Variants in GLYR1 observed in about 807,000 individuals in gnomAD.
GLYR1 encodes the protein glyoxylate reductase 1 homolog, also known as cytokine-like nuclear factor N-PAC.
In GLYR1, 21 loss-of-function variants were observed where a neutral mutation model predicts 72.7. The observed-to-expected ratio is 0.29, with a 90% confidence interval of 0.20 to 0.42. GLYR1 has a LOEUF of 0.42. Among genes scored for constraint, GLYR1 ranks in the 10% least tolerant of loss-of-function variants. The pLI is 1.00. For missense variants in GLYR1, 594 were observed against 712.1 expected (o/e 0.83, Z 1.89); for synonymous variants, 392 against 270.2 (o/e 1.45, Z -4.42).
intron 3 of GLYR1, among the ~76,000 whole-genome samples, chr16:4,834,295 C>CTTTTTT (rs778256795): frequency 4.2e-5 from 5 of 118,346 alleles, no homozygotes; most frequent in African/African-American, 1.4e-4. Context: ...AGGCAAATTC[C>CTTTTTT]TTTTTTTTTT....
chr16:4,846,258 A>C, intron 1 of GLYR1, 48 bp from the exon 2 acceptor site: 2 of 1,598,700 alleles, frequency 1.3e-6, no homozygotes, highest in Non-Finnish European at 1.7e-6. Flanking sequence ...AAGCCAGTCC[A>C]TCTCCTTCAA....
At chr16:4,837,158 C>T (rs901371502) in intron 3 of GLYR1, among the ~76,000 whole-genome samples, 1 of 152,180 alleles carries the variant, frequency 6.6e-6, no homozygotes, top group Non-Finnish European at 1.5e-5. Flanking sequence ...CATGTAGGGC[C>T]CGGTGCGGTG....
chr16:4,846,592 G>A, intron 1 of GLYR1: 1 of 274,788 alleles, frequency 3.6e-6, no homozygotes, highest in South Asian at 3.8e-5. Flanking sequence ...TCCTCTGGGT[G>A]GAGAAACAAG....
chr16:4,831,157 A>T (rs1476539593), intron 5 of GLYR1, among the ~76,000 whole-genome samples: 3 of 152,122 alleles, frequency 2.0e-5, no homozygotes, highest in Admixed American at 2.0e-4. Flanking sequence ...CATCCTCTAT[A>T]TAACCAATTA....
intron 3 of GLYR1, among the ~76,000 whole-genome samples, chr16:4,836,301 C>T (rs1047657659): frequency 2.0e-5 from 3 of 151,912 alleles, no homozygotes; most frequent in African/African-American, 4.9e-5. Context: ...TGCTCCAGTG[C>T]GTAAGGCTTT....
intron 15 of GLYR1, 68 bp downstream of exon 15, chr16:4,811,102 T>TAA (rs369808419): frequency 6.1e-4 from 885 of 1,448,032 alleles, no homozygotes; most frequent in Middle Eastern, 1.6e-3. Flanking sequence ...GAGACTCCGT[T>TAA]AAAAAAAAAA....
intron 2 of GLYR1, 45 bp from the exon 3 acceptor site, chr16:4,845,198 G>T: frequency 1.4e-6 from 2 of 1,406,850 alleles, no homozygotes; most frequent in South Asian, 1.2e-5. Context: ...CAACACAGCA[G>T]CCCACTTTCT....
chr16:4,836,710 C>T (rs1305067000), intron 3 of GLYR1, among the ~76,000 whole-genome samples: 2 of 151,666 alleles, frequency 1.3e-5, no homozygotes, highest in Non-Finnish European at 2.9e-5. Flanking sequence ...AGGGACACAT[C>T]ATCAGAAACT....
At chr16:4,836,176 C>T (rs542766457) in intron 3 of GLYR1, among the ~76,000 whole-genome samples, 8 of 152,258 alleles carry the variant, frequency 5.3e-5, no homozygotes, top group Admixed American at 2.6e-4. Context: ...CACGGAGGCA[C>T]ATCAGCCGGG....
At chr16:4,827,133 G>T (rs529744477) in intron 5 of GLYR1, among the ~76,000 whole-genome samples, 1 of 152,368 alleles carries the variant, frequency 6.6e-6, no homozygotes, top group South Asian at 2.1e-4. Context: ...CCGCCATCAA[G>T]GTCAGCTTTT....
intron 10 of GLYR1, among the ~76,000 whole-genome samples, chr16:4,817,051 C>T (rs941014721): frequency 1.3e-5 from 2 of 151,322 alleles, no homozygotes; most frequent in Admixed American, 1.3e-4. Context: ...TCAAGTTATT[C>T]TCCTGCCTCA....
Position 4,829,736 on chromosome 16 carries a change from A to G in GLYR1, c.537+2243T>C, listed in dbSNP as rs1026249891. Among the ~76,000 whole-genome samples the G allele has an allele frequency of 3.5e-4, 52 of 149,308 alleles. 1 individual carries two copies. Among genetic ancestry groups the G allele is most frequent in the Non-Finnish European group, 7.1e-4 (47 of 66,134 alleles). On this transcript the variant is annotated intron_variant, in intron 5 of 15. Transcript: ENST00000321919. ...CGCCCAGGCTGGAGTGCAGTGGCGC[A>G]ATCTCGGCTCACTGCAACCTCTGCC...
chr16:4,811,713 C>A lies in GLYR1; in HGVS notation c.1372G>T (p.Ala458Ser). 1 of 1,614,202 alleles carries A rather than the reference C, an allele frequency of 6.2e-7. No homozygotes were observed. Among genetic ancestry groups the A allele is most frequent in the Non-Finnish European group, 8.5e-7 (1 of 1,180,032 alleles). ...TGCTGGGACTGGCCTGTCACCTGGG[C>A]CAGGGTCAGCCCCTCGGCAATAGTG... ...MATIAEGLTL[A>S]QVTGQSQQTL... The change falls in exon 14 of 16, where the codon GCC (alanine) becomes TCC (serine). Residue 458 changes from alanine to serine, a missense_variant. Coordinates refer to ENST00000321919, the MANE Select transcript of GLYR1 (RefSeq NM_032569.4).
At chr16:4,841,311 A>G (rs554214627) in intron 3 of GLYR1, among the ~76,000 whole-genome samples, 1 of 151,848 alleles carries the variant, frequency 6.6e-6, no homozygotes, top group African/African-American at 2.4e-5. Flanking sequence ...TTATTAATCT[A>G]GTCTTTTAGC....
intron 3 of GLYR1, 123 bp from the exon 4 acceptor site, chr16:4,833,035 G>T: frequency 1.2e-6 from 1 of 839,272 alleles, no homozygotes; most frequent in Non-Finnish European, 1.7e-6. Context: ...AATAGGCCTT[G>T]CCATTTCTTT....
Position 4,804,992 on chromosome 16 carries a change from G to A in GLYR1, c.*244C>T, listed in dbSNP as rs1450743981. The A allele has an allele frequency of 9.1e-6, 5 of 548,668 alleles. No homozygotes were observed. Among genetic ancestry groups the A allele is most frequent in the South Asian group, 2.1e-5 (1 of 47,936 alleles). The allele number at this position is 548,668 out of a possible 1,614,324, so 34.0% of individuals were successfully genotyped here. A position where few individuals can be genotyped will look rare whatever the true frequency, so the allele number is the denominator to read the frequency against. ...GTGTGAACACACAGCCACCTCGTCCGGGGGGCCAGTGCCCAGCTCAAGAGC... is the reference window on the plus strand; with the variant it reads ...GTGTGAACACACAGCCACCTCGTCCAGGGGGCCAGTGCCCAGCTCAAGAGC... On this transcript the variant is annotated 3_prime_UTR_variant, in exon 16 of 16. Coordinates refer to ENST00000321919, the MANE Select transcript of GLYR1 (RefSeq NM_032569.4).
chr16:4,826,213 A>T lies in GLYR1; in HGVS notation c.538-2306T>A, dbSNP rs977517034. Among the ~76,000 whole-genome samples, 4 of 152,220 alleles carry T rather than the reference A, an allele frequency of 2.6e-5. No homozygotes were observed. The East Asian group carries it at 7.7e-4, about 29-fold the overall frequency. ...CAGGTGTGTGCCACTACGCCCAGCTAATTTTTTATTTTTATTTTTTGTAGA... is the reference window on the plus strand; with the variant it reads ...CAGGTGTGTGCCACTACGCCCAGCTTATTTTTTATTTTTATTTTTTGTAGA... On this transcript the variant is annotated intron_variant, in intron 5 of 15. Transcript: ENST00000321919.
intron 12 of GLYR1, among the ~76,000 whole-genome samples, chr16:4,812,765 A>G (rs578223361): frequency 1.3e-5 from 2 of 151,494 alleles, no homozygotes; most frequent in African/African-American, 4.8e-5. Context: ...TGCTTGGATT[A>G]CAGGAGTGAG....
chr16:4,846,786 C>G (rs1034702819), intron 1 of GLYR1: 152 of 253,890 alleles, frequency 6.0e-4, no homozygotes, highest in African/African-American at 3.5e-3. Context: ...ACAACCCCGG[C>G]TGAGCCGGCC....
Sources: gnomAD v4.1 joint callset for allele counts (sites outside exome capture counted in the v4.1 genomes callset) on GRCh38, gnomAD v4.1.1 for gene constraint, MANE v1.5 for transcripts, NCBI Gene and HGNC (gene_info 2026-07-23, HGNC 2026-07-21) for gene names.